The following PDZD2 variants were observed in gnomAD, a reference collection of about 807,000 sequenced individuals.
PDZD2 encodes the protein PDZ domain-containing protein 2.
Under a neutral mutation model 220.7 loss-of-function variants are expected in PDZD2, and 90 were observed. The ratio of observed to expected loss-of-function variants is 0.41; its 90% confidence interval spans 0.34 to 0.49. The LOEUF is 0.49. PDZD2 is among the 20% of genes least tolerant of loss of function. The pLI is 0.28. For synonymous variants in PDZD2, 1,375 were observed against 1,450.5 expected (o/e 0.95, Z 1.18); for missense variants, 3,174 against 3,608.5 (o/e 0.88, Z 3.08).
chr5:31,809,687 T>C (rs1444271267), intron 2 of PDZD2, among the ~76,000 whole-genome samples: 1 of 152,200 alleles, frequency 6.6e-6, no homozygotes, highest in Non-Finnish European at 1.5e-5. Flanking sequence ...TTCAGAAAAC[T>C]GGCAAACTTG....
chr5:32,048,721 A>G, intron 8 of PDZD2, 37 bp downstream of exon 8: 1 of 1,608,354 alleles, frequency 6.2e-7, no homozygotes, highest in Non-Finnish European at 8.5e-7. Flanking sequence ...AAAGACCATA[A>G]GGGCTTACAT....
At chr5:31,924,989 T>C (rs573929444) in intron 2 of PDZD2, among the ~76,000 whole-genome samples, 2 of 152,306 alleles carry the variant, frequency 1.3e-5, no homozygotes, top group Admixed American at 1.3e-4. Flanking sequence ...AAACCAAAAT[T>C]GTCTCCATTT....
intron 2 of PDZD2, among the ~76,000 whole-genome samples, chr5:31,937,426 G>A (rs886107524): frequency 6.6e-5 from 10 of 152,202 alleles, no homozygotes; most frequent in Non-Finnish European, 1.3e-4. Flanking sequence ...AGAATGCCCC[G>A]TAGCCACAGG....
intron 2 of PDZD2, among the ~76,000 whole-genome samples, chr5:31,845,444 T>A (rs1011199422): frequency 6.6e-6 from 1 of 152,236 alleles, no homozygotes; most frequent in African/African-American, 2.4e-5. Context: ...AGGTGTGATG[T>A]GAACCAAGTA....
At chr5:31,658,365 C>T (rs1044006788) in intron 1 of PDZD2, among the ~76,000 whole-genome samples, 3 of 152,190 alleles carry the variant, frequency 2.0e-5, no homozygotes, top group Non-Finnish European at 2.9e-5. Context: ...CTCCAGCCTG[C>T]GCTCTTTCCT....
At chr5:31,650,437 C>G (rs1026158443) in intron 1 of PDZD2, among the ~76,000 whole-genome samples, 1 of 152,110 alleles carries the variant, frequency 6.6e-6, no homozygotes, top group African/African-American at 2.4e-5. Flanking sequence ...CCTGGGATCC[C>G]TAAAGTCTCT....
At chr5:31,964,196 A>C (rs1748508346) in intron 2 of PDZD2, among the ~76,000 whole-genome samples, 1 of 152,142 alleles carries the variant, frequency 6.6e-6, no homozygotes, top group African/African-American at 2.4e-5. Flanking sequence ...TAACTAGTTG[A>C]CCTCTGATTA....
At position 32,090,190 on chromosome 5, in the gene PDZD2, G is replaced by A; in HGVS notation, c.6742G>A (p.Asp2248Asn). The change falls in exon 20 of 25, where the codon GAC becomes AAC. Residue 2248 changes from aspartate to asparagine, a missense_variant. Physicochemically the swap from Asp to Asn is conservative, Grantham distance 23. Transcript: ENST00000438447. The surrounding 1 kb of genome is among the most constrained non-coding windows in gnomAD (Gnocchi z 4.3). The part of the protein sequence containing the change: ...HPPHSLGRSR[D>N]SQVPVTSSVV... ...CCCACACAGCCTGGGTCGCTCTCGGGACAGCCAGGTCCCTGTGACAAGCAG... is the reference window on the plus strand; with the variant it reads ...CCCACACAGCCTGGGTCGCTCTCGGAACAGCCAGGTCCCTGTGACAAGCAG... 6.2e-7 allele frequency: 1 copy of A among 1,614,112 alleles called. No homozygotes were observed. Among genetic ancestry groups the A allele is most frequent in the South Asian group, 1.1e-5 (1 of 91,080 alleles).
chr5:31,955,611 G>A (rs891266871), intron 2 of PDZD2, among the ~76,000 whole-genome samples: 1 of 149,648 alleles, frequency 6.7e-6, no homozygotes, highest in African/African-American at 2.5e-5. Flanking sequence ...CCTTTGTGTT[G>A]TTTCCTAGTC....
At chr5:32,010,511 G>T in intron 6 of PDZD2, 29 bp downstream of exon 6, 1 of 1,573,180 alleles carries the variant, frequency 6.4e-7, no homozygotes, top group Non-Finnish European at 8.7e-7. Context: ...CTGGCTTTCT[G>T]TTGGAATTAC....
intron 3 of PDZD2, among the ~76,000 whole-genome samples, chr5:31,989,416 C>CTTTTTTTTTTTTTTTTTTTTTTTATT (rs1385913596): frequency 8.3e-6 from 1 of 120,680 alleles, no homozygotes; most frequent in African/African-American, 3.5e-5. Flanking sequence ...ACCACATTTT[C>CTTTTTTTTTTTTTTTTTTTTTTTATT]TTTTCTTTTT....
chr5:31,919,128 GT>G (rs1198809407), intron 2 of PDZD2, among the ~76,000 whole-genome samples: 1 of 152,184 alleles, frequency 6.6e-6, no homozygotes, highest in Non-Finnish European at 1.5e-5. Flanking sequence ...GAGTGAGTAG[GT>G]TTTACTGGAG....
At chr5:31,995,499 G>T in intron 3 of PDZD2, 77 bp from the exon 4 acceptor site, 1 of 1,485,370 alleles carries the variant, frequency 6.7e-7, no homozygotes, top group Non-Finnish European at 9.4e-7. Context: ...TCGGCCAGAC[G>T]TGACAGCTCC....
chr5:31,992,507 T>C (rs1409612217), intron 3 of PDZD2, among the ~76,000 whole-genome samples: 1 of 152,206 alleles, frequency 6.6e-6, no homozygotes, highest in Non-Finnish European at 1.5e-5. Context: ...TCTTGTCACA[T>C]GTCCTACTTC....
chr5:31,689,941 A>T (rs1747052048), intron 1 of PDZD2, among the ~76,000 whole-genome samples: 1 of 152,176 alleles, frequency 6.6e-6, no homozygotes, highest in South Asian at 2.1e-4. Flanking sequence ...AAATTCCCAT[A>T]GGCCCATGTG....
chr5:31,757,866 A>G (rs1250900789), intron 1 of PDZD2, among the ~76,000 whole-genome samples: 1 of 152,198 alleles, frequency 6.6e-6, no homozygotes, highest in Non-Finnish European at 1.5e-5. Context: ...AGCCACCCGC[A>G]CCAGCTGTGC....
intron 2 of PDZD2, among the ~76,000 whole-genome samples, chr5:31,856,002 A>C (rs530336336): frequency 9.2e-5 from 14 of 152,336 alleles, no homozygotes; most frequent in African/African-American, 3.4e-4. Flanking sequence ...ACAGTAAACA[A>C]ATGCTTTTCA....
chr5:32,081,031 C>T (rs1453313681), intron 19 of PDZD2, among the ~76,000 whole-genome samples: 2 of 151,726 alleles, frequency 1.3e-5, no homozygotes, highest in Non-Finnish European at 2.9e-5. Context: ...GCACACATTT[C>T]CCTGTGTAAC....
chr5:31,659,324 A>T (rs1270763447), intron 1 of PDZD2, among the ~76,000 whole-genome samples: 2 of 151,808 alleles, frequency 1.3e-5, no homozygotes, highest in African/African-American at 4.8e-5. Flanking sequence ...TTCAGTCACC[A>T]CCTATGTACT....
Sources: allele counts gnomAD v4.1 joint callset (sites outside exome capture counted in the v4.1 genomes callset), GRCh38; gene constraint gnomAD v4.1.1; non-coding constraint Gnocchi (gnomAD v3.1); transcripts MANE v1.5; gene names NCBI Gene and HGNC (gene_info 2026-07-23, HGNC 2026-07-21).